The following ANK3 variants were observed in gnomAD, a reference collection of about 807,000 sequenced individuals.
The protein encoded by ANK3 is ankyrin 3.
Under a neutral mutation model 370.9 loss-of-function variants are expected in ANK3, and 57 were observed. The observed-to-expected ratio is 0.15, with a 90% CI of 0.12 to 0.19. The LOEUF (loss-of-function observed/expected upper bound fraction) is 0.19. ANK3 is among the 10% of genes least tolerant of loss of function. The pLI is 1.00. For synonymous variants in ANK3, 1,929 were observed against 1,946.3 expected (o/e 0.99, Z 0.23); for missense variants, 4,439 against 5,302.1 (o/e 0.84, Z 5.06).
chr10:60,480,630 T>A (rs2075187320), intron 2 of ANK3, among the ~76,000 whole-genome samples: 1 of 152,158 alleles, frequency 6.6e-6, no homozygotes, highest in African/African-American at 2.4e-5. Context: ...AAGACAGAGT[T>A]TACCAAAGAA....
intron 21 of ANK3, among the ~76,000 whole-genome samples, chr10:60,167,236 T>C (rs888008139): frequency 2.2e-4 from 33 of 152,190 alleles, no homozygotes; most frequent in Non-Finnish European, 4.4e-4. Flanking sequence ...TGCCGCCCCA[T>C]TCCACGAAAG....
At chr10:60,314,335 G>A (rs776808114) in intron 1 of ANK3, among the ~76,000 whole-genome samples, 1 of 152,108 alleles carries the variant, frequency 6.6e-6, no homozygotes, top group Non-Finnish European at 1.5e-5. Flanking sequence ...AAAAGTCATT[G>A]TTATTCATTT....
chr10:60,475,336 A>G (rs559172164), intron 2 of ANK3, among the ~76,000 whole-genome samples: 6 of 152,312 alleles, frequency 3.9e-5, no homozygotes, highest in African/African-American at 1.4e-4. Context: ...TCTGAGTTGA[A>G]AATGATTATA....
intron 2 of ANK3, among the ~76,000 whole-genome samples, chr10:60,455,718 C>T (rs982443466): frequency 6.6e-6 from 1 of 152,064 alleles, no homozygotes; most frequent in South Asian, 2.1e-4. Flanking sequence ...TTTGAGGCAC[C>T]GTGATCCCAT....
intron 17 of ANK3, 199 bp downstream of exon 17, chr10:60,186,516 C>A: frequency 4.5e-6 from 3 of 664,842 alleles, no homozygotes. Flanking sequence ...GCAACTGGCG[C>A]ATTGACCATT....
At chr10:60,106,792 C>A (rs1230742646) in intron 27 of ANK3, among the ~76,000 whole-genome samples, 1 of 152,100 alleles carries the variant, frequency 6.6e-6, no homozygotes, top group Non-Finnish European at 1.5e-5. Context: ...GCCAATCAAG[C>A]CACGGGAAAT....
chr10:60,053,438 C>T (rs1029057873), intron 42 of ANK3, among the ~76,000 whole-genome samples: 1 of 152,148 alleles, frequency 6.6e-6, no homozygotes, highest in African/African-American at 2.4e-5. Flanking sequence ...TCATGTGAGG[C>T]CAACCCCTTA....
intron 20 of ANK3, among the ~76,000 whole-genome samples, 175 bp downstream of exon 20, chr10:60,172,725 A>G (rs549981787): frequency 6.6e-6 from 1 of 151,924 alleles, no homozygotes; most frequent in East Asian, 1.9e-4. Context: ...AACACTAATC[A>G]TCTCTCTCTC....
chr10:60,042,780 T>C (rs2076330706), intron 42 of ANK3, 21 bp from the exon 43 acceptor site: 3 of 1,610,802 alleles, frequency 1.9e-6, no homozygotes, highest in Middle Eastern at 1.6e-4. Flanking sequence ...AGTGTACATA[T>C]TAAGATTTCA....
At chr10:60,082,768 G>C (rs2085592040) in intron 33 of ANK3, 31 bp from the exon 34 acceptor site, 3 of 1,602,722 alleles carry the variant, frequency 1.9e-6, no homozygotes, top group Non-Finnish European at 2.5e-6. Context: ...GATGGTTATA[G>C]AATGAGACTT....
rs201826235 is a variant in ANK3 at position 60,176,199 on chromosome 10, A to AC, written c.2185-3014_2185-3013insG. 7.4e-5 allele frequency among the ~76,000 whole-genome samples: 11 copies of AC among 148,586 alleles called. No individual in the cohort carries two copies. In the East Asian group the frequency reaches 9.8e-4, roughly 13 times the overall value. On this transcript the variant is annotated intron_variant, in intron 18 of 43. Coordinates refer to ENST00000280772, the MANE Select transcript of ANK3 (RefSeq NM_020987.5). ...AAATACAAAAAAAAAAAAAAAACAA[A>AC]AAAAAACAAAAAACAATTAGCCGGG... is the stretch of plus-strand genomic sequence containing the variant.
intron 16 of ANK3, among the ~76,000 whole-genome samples, chr10:60,193,092 T>A (rs1284357694): frequency 6.6e-6 from 1 of 152,184 alleles, no homozygotes; most frequent in Non-Finnish European, 1.5e-5. Context: ...TTATTGGACA[T>A]GTGCCAGAGA....
intron 1 of ANK3, among the ~76,000 whole-genome samples, chr10:60,370,565 G>A (rs139468368): frequency 3.3e-5 from 5 of 152,220 alleles, no homozygotes; most frequent in South Asian, 2.1e-4. Flanking sequence ...TACTTACAGC[G>A]CAGTAAATGG....
intron 1 of ANK3, among the ~76,000 whole-genome samples, chr10:60,288,108 C>T (rs1278410219): frequency 3.9e-5 from 6 of 152,156 alleles, no homozygotes; most frequent in Admixed American, 3.9e-4. Context: ...CCTATAATTT[C>T]CTGGCACTGT....
chr10:60,636,942 A>C (rs1246232731), intron 1 of ANK3, among the ~76,000 whole-genome samples: 2 of 152,142 alleles, frequency 1.3e-5, no homozygotes, highest in Non-Finnish European at 2.9e-5. Context: ...AGGGCAGTGG[A>C]TTTCACTTGC....
In ANK3 at chr10:60,176,368, CAA is replaced by C. The variant is rs752384374; in HGVS notation, c.2185-3184_2185-3183del. ...CAACAGAGTGAGAGACTCTGTCTCC[CAA>C]AAAAAAAAAAAAAAGAAAGAAAAAA... On this transcript the variant is annotated intron_variant, in intron 18 of 43. Transcript: ENST00000280772. Among the ~76,000 whole-genome samples, 725 of 102,310 alleles carry C rather than the reference CAA, an allele frequency of 7.1e-3. 10 individuals carry two copies. The highest frequency in any genetic ancestry group is 0.025 in the African/African-American group (677 of 26,768). 67.1% of individuals were successfully genotyped at this position (102,310 alleles called of 152,430 possible).
At chr10:60,190,748 C>A (rs144409278) in intron 16 of ANK3, among the ~76,000 whole-genome samples, 1 of 152,108 alleles carries the variant, frequency 6.6e-6, no homozygotes, top group African/African-American at 2.4e-5. Context: ...AAAATTCATA[C>A]GGAACCAAAA....
At chr10:60,148,707 A>C (rs2094946348) in intron 23 of ANK3, among the ~76,000 whole-genome samples, 1 of 152,212 alleles carries the variant, frequency 6.6e-6, no homozygotes, top group African/African-American at 2.4e-5. Flanking sequence ...AAGATTACTT[A>C]TACTGTTCTC....
chr10:60,679,279 G>A (rs1030498004), intron 1 of ANK3, among the ~76,000 whole-genome samples: 1 of 152,128 alleles, frequency 6.6e-6, no homozygotes, highest in African/African-American at 2.4e-5. Flanking sequence ...ACATAAGCAG[G>A]GCAGGAGAGG....
Sources: allele counts gnomAD v4.1 joint callset (sites outside exome capture counted in the v4.1 genomes callset), GRCh38; gene constraint gnomAD v4.1.1; transcripts MANE v1.5; gene names NCBI Gene and HGNC (gene_info 2026-07-23, HGNC 2026-07-21).